The following PALM2AKAP2 variants were observed in gnomAD, a reference collection of about 807,000 sequenced individuals.
The protein encoded by PALM2AKAP2 is PALM2-AKAP2 fusion protein.
In PALM2AKAP2, 37 loss-of-function variants were observed where a neutral mutation model predicts 71.5. The ratio of observed to expected loss-of-function variants is 0.52; its 90% confidence interval spans 0.40 to 0.68. PALM2AKAP2 has a LOEUF of 0.68. Ranked by LOEUF, PALM2AKAP2 falls within the 30% of genes least tolerant of loss-of-function variation. PALM2AKAP2 has a pLI of 0.00. For missense variants in PALM2AKAP2, 1,224 were observed against 1,191.8 expected, an observed-to-expected ratio of 1.03 and a Z score of -0.40; for synonymous variants, 468 against 478.8, an observed-to-expected ratio of 0.98 and a Z score of 0.29.
chr9:110,015,096 G>C (rs1832955675), intron 6 of PALM2AKAP2, among the ~76,000 whole-genome samples: 2 of 151,940 alleles, frequency 1.3e-5, no homozygotes. Context: ...AGAAACATTA[G>C]CATTTCTAAA....
At chr9:110,006,324 C>CTCTTTCGTTCTT (rs1832781793) in intron 6 of PALM2AKAP2, among the ~76,000 whole-genome samples, 4 of 102,102 alleles carry the variant, frequency 3.9e-5, no homozygotes, top group Admixed American at 1.2e-4. Flanking sequence ...TTCCTTCCTT[C>CTCTTTCGTTCTT]TCTTTCTTTC....
At chr9:109,998,876 C>CT (rs1242945693) in intron 6 of PALM2AKAP2, among the ~76,000 whole-genome samples, 1 of 151,886 alleles carries the variant, frequency 6.6e-6, no homozygotes, top group East Asian at 1.9e-4. Context: ...CATCAGGTGA[C>CT]TTTGTAGAGG....
intron 3 of PALM2AKAP2, among the ~76,000 whole-genome samples, chr9:109,894,475 G>C (rs1454650930): frequency 1.3e-5 from 2 of 152,162 alleles, no homozygotes; most frequent in East Asian, 1.9e-4. Context: ...GACTGCTTCT[G>C]GTCAGGCAAC....
At chr9:110,141,497 C>G (rs1017388399) in intron 2 of PALM2AKAP2, among the ~76,000 whole-genome samples, 2 of 152,216 alleles carry the variant, frequency 1.3e-5, no homozygotes, top group Admixed American at 6.5e-5. Context: ...ATACAATTTT[C>G]TTCCTGTTCA....
Position 109,766,264 on chromosome 9 carries a change from A to G in PALM2AKAP2, c.6-14224A>G, listed in dbSNP as rs1273724675. Among the ~76,000 whole-genome samples, 5 of 152,142 alleles carry G rather than the reference A, an allele frequency of 3.3e-5. No homozygotes were observed. In the South Asian group the frequency reaches 1.0e-3, roughly 32 times the overall value. ...AATGACCCTGCCCAGTGGGAATAGT[A>G]TTGTCACCCCTGTTTTTGGCACAAA... On this transcript the variant is annotated intron_variant, in intron 1 of 6. Coordinates refer to the PALM2AKAP2 transcript ENST00000374531.
chr9:110,136,528 G>A lies in PALM2AKAP2; in HGVS notation c.558G>A (p.Ala186=), dbSNP rs141633271. The A allele has an allele frequency of 7.7e-4, 1,239 of 1,613,414 alleles. 4 individuals are homozygous for A. The African/African-American group carries it at 0.012, about 15-fold the overall frequency. Residue 186 remains alanine (A), a synonymous_variant, in exon 2 of 4, where the codon GCG becomes GCA. Coordinates refer to ENST00000374525, the Ensembl canonical transcript of PALM2AKAP2. ...GCCTAAGCCCCCCTGTCCACGAGGC[G>A]ACCCAGCCAGAACCCACTGAAAGAA...
At chr9:109,694,485 G>A (rs1827940155) in intron 1 of PALM2AKAP2, among the ~76,000 whole-genome samples, 1 of 151,868 alleles carries the variant, frequency 6.6e-6, no homozygotes, top group African/African-American at 2.4e-5. Flanking sequence ...CAACATTAAA[G>A]AAAATCTAGT....
At chr9:109,696,851 C>A (rs1395655929) in intron 1 of PALM2AKAP2, among the ~76,000 whole-genome samples, 2 of 152,094 alleles carry the variant, frequency 1.3e-5, no homozygotes, top group East Asian at 3.9e-4. Context: ...ACGACCATTT[C>A]TTTGTATATT....
chr9:110,035,468 TA>T (rs1564271498), intron 7 of PALM2AKAP2, among the ~76,000 whole-genome samples: 9 of 144,796 alleles, frequency 6.2e-5, no homozygotes, highest in South Asian at 4.3e-4. Context: ...TATGTATATA[TA>T]TGATATGTTG....
At chr9:109,951,210 T>A (rs1831632290) in intron 6 of PALM2AKAP2, among the ~76,000 whole-genome samples, 1 of 150,366 alleles carries the variant, frequency 6.7e-6, no homozygotes, top group Non-Finnish European at 1.5e-5. Context: ...GTGAGTGATG[T>A]CTCTGTAAAT....
chr9:109,670,802 A>G (rs978195030), intron 1 of PALM2AKAP2, among the ~76,000 whole-genome samples: 3 of 152,084 alleles, frequency 2.0e-5, no homozygotes, highest in Non-Finnish European at 4.4e-5. Flanking sequence ...ACTATTTAAT[A>G]ATAGCCATTC....
At chr9:109,824,677 A>G (rs1482991717) in intron 1 of PALM2AKAP2, among the ~76,000 whole-genome samples, 1 of 152,196 alleles carries the variant, frequency 6.6e-6, no homozygotes, top group Non-Finnish European at 1.5e-5. Context: ...TTTTAGAACT[A>G]CTAAATGGAG....
chr9:109,933,121 G>A (rs1408363570), intron 6 of PALM2AKAP2, among the ~76,000 whole-genome samples: 1 of 152,220 alleles, frequency 6.6e-6, no homozygotes, highest in African/African-American at 2.4e-5. Context: ...CAGAGTCCTA[G>A]AGATGGTTGG....
At position 110,054,277 on chromosome 9, in the gene PALM2AKAP2, T is replaced by C. The variant is rs1362164562; in HGVS notation, c.156+5422T>C. Among the ~76,000 whole-genome samples, 3 of 152,258 alleles carry C rather than the reference T, an allele frequency of 2.0e-5. No individual in the cohort carries two copies. In the East Asian group the frequency reaches 5.8e-4, roughly 29 times the overall value. Reference sequence around the variant, plus strand: ...AGCCGGGTGTGGTGGCGCATGCCTGTAATCTCAGCTACTCAGGAGGCTGAG... The same window carrying C: ...AGCCGGGTGTGGTGGCGCATGCCTGCAATCTCAGCTACTCAGGAGGCTGAG... On this transcript the variant is annotated intron_variant, in intron 1 of 3. Transcript: ENST00000374525.
intron 1 of PALM2AKAP2, among the ~76,000 whole-genome samples, chr9:109,782,813 G>T (rs139324852): frequency 6.6e-6 from 1 of 151,982 alleles, no homozygotes; most frequent in African/African-American, 2.4e-5. Context: ...TTAAGAGACA[G>T]AGGGAGTTGG....
intron 1 of PALM2AKAP2, among the ~76,000 whole-genome samples, chr9:109,831,698 A>G (rs975400384): frequency 2.6e-5 from 4 of 152,224 alleles, no homozygotes; most frequent in African/African-American, 9.6e-5. Flanking sequence ...TGACATGTCC[A>G]GCATTTCTTG....
chr9:109,929,229 T>C (rs2131983342), intron 5 of PALM2AKAP2, among the ~76,000 whole-genome samples: 1 of 151,758 alleles, frequency 6.6e-6, no homozygotes, highest in South Asian at 2.1e-4. Flanking sequence ...GACACACATG[T>C]GACCAGTCCA....
chr9:109,691,901 TAC>T (rs749405717), intron 1 of PALM2AKAP2, among the ~76,000 whole-genome samples: 11,043 of 61,416 alleles, frequency 0.18, 1,182 homozygotes, highest in Middle Eastern at 0.36. Context: ...TATATATATA[TAC>T]ACACACACAT....
chr9:109,730,119 G>C (rs1828533372), intron 1 of PALM2AKAP2, among the ~76,000 whole-genome samples: 1 of 152,144 alleles, frequency 6.6e-6, no homozygotes, highest in Non-Finnish European at 1.5e-5. Context: ...GGGCTCTCTT[G>C]ATGAAAGGAA....
Sources: allele counts gnomAD v4.1 joint callset (sites outside exome capture counted in the v4.1 genomes callset), GRCh38; gene constraint gnomAD v4.1.1; transcripts MANE v1.5; gene names NCBI Gene and HGNC (gene_info 2026-07-23, HGNC 2026-07-21).